TRIM22: variants seen among roughly 807,000 people sequenced by gnomAD.
TRIM22 encodes tripartite motif containing 22.
Under a neutral mutation model 53.6 loss-of-function variants are expected in TRIM22, and 45 were observed. The ratio of observed to expected loss-of-function variants is 0.84; its 90% CI spans 0.66 to 1.08. TRIM22 has a LOEUF of 1.08. Among genes scored for constraint, TRIM22 ranks in the 50% least tolerant of loss-of-function variants. The pLI, the probability that TRIM22 is intolerant of heterozygous loss-of-function variation, is 0.00. For synonymous variants in TRIM22, 225 were observed against 216.6 expected, an observed-to-expected ratio of 1.04 and a Z score of -0.34; for missense variants, 616 against 590.9, an observed-to-expected ratio of 1.04 and a Z score of -0.44.
At chr11:5,698,609 T>G in intron 4 of TRIM22, 64 bp downstream of exon 4, 32 of 1,335,260 alleles carry the variant, frequency 2.4e-5, no homozygotes, top group Non-Finnish European at 3.1e-5. Context: ...CCGATTTTCC[T>G]TCCCTTCCCA....
chr11:5,696,960 T>C, intron 2 of TRIM22: 1 of 496,364 alleles, frequency 2.0e-6, no homozygotes, highest in South Asian at 3.5e-5. Flanking sequence ...TGGTTAGATG[T>C]GGGAAGAGTG....
chr11:5,698,467 C>A lies in TRIM22; in HGVS notation c.672C>A (p.Val224=). 6.2e-7 allele frequency: 1 copy of A among 1,614,040 alleles called. No homozygotes were observed. The highest frequency in any genetic ancestry group is 1.1e-5 in the South Asian group (1 of 91,070). Residue 224 remains valine, a synonymous_variant, in exon 4 of 8, where the codon GTC becomes GTA. Coordinates refer to ENST00000379965, the MANE Select transcript of TRIM22 (RefSeq NM_006074.5). The part of the protein sequence containing the change: ...DNLAAATDQL[V]QQRQDASTLI... ...TGGCAGCAGCTACAGACCAGCTGGT[C>A]CAGCAGAGGCAGGATGCCAGCACGC... is the stretch of plus-strand genomic sequence containing the variant.
chr11:5,698,083 T>G, intron 3 of TRIM22: 1 of 469,220 alleles, frequency 2.1e-6, no homozygotes, highest in Non-Finnish European at 3.9e-6. Context: ...AGGCATCACA[T>G]TTTGTCTCAG....
At chr11:5,697,122 A>G in intron 2 of TRIM22, 126 bp from the exon 3 acceptor site, 1 of 674,544 alleles carries the variant, frequency 1.5e-6, no homozygotes, top group South Asian at 2.2e-5. Flanking sequence ...ATAGGTTCTA[A>G]TCACCAGCCT....
intron 1 of TRIM22, among the ~76,000 whole-genome samples, chr11:5,695,633 G>A (rs4910835): frequency 0.96 from 145,432 of 151,748 alleles, 69,851 homozygotes; most frequent in African/African-American, 0.99. Flanking sequence ...TAGTTCCACA[G>A]ATTTACTAGA....
chr11:5,696,107 G>T, intron 1 of TRIM22, 60 bp from the exon 2 acceptor site: 1 of 812,300 alleles, frequency 1.2e-6, no homozygotes, highest in Non-Finnish European at 1.9e-6. Context: ...CTAAATCTCT[G>T]TAAAAGCAGT....
intron 5 of TRIM22, 126 bp downstream of exon 5, chr11:5,706,742 C>A: frequency 1.0e-6 from 1 of 970,886 alleles, no homozygotes; most frequent in South Asian, 2.0e-5. Flanking sequence ...ATTAAATTGT[C>A]CCAAATTGCT....
chr11:5,709,983 T>G lies in TRIM22; in HGVS notation c.*335T>G, dbSNP rs1853533294. 4.0e-6 allele frequency: 1 copy of G among 247,518 alleles called. No homozygotes were observed. The highest frequency in any genetic ancestry group is 2.2e-5 in the African/African-American group (1 of 44,958). The allele number at this position is 247,518 out of a possible 1,614,324, so 15.3% of individuals were successfully genotyped here. ...TGTCCCTATGACTCTTCACATTGTCTTTATGTACATCTCTGTGCCCAAGTT... is the reference window on the plus strand; with the variant it reads ...TGTCCCTATGACTCTTCACATTGTCGTTATGTACATCTCTGTGCCCAAGTT... On this transcript the variant is annotated 3_prime_UTR_variant, in exon 8 of 8. Transcript: ENST00000379965.
intron 4 of TRIM22, among the ~76,000 whole-genome samples, chr11:5,704,915 T>C (rs964565228): frequency 6.6e-6 from 1 of 152,198 alleles, no homozygotes; most frequent in African/African-American, 2.4e-5. Context: ...GAATGTGCCA[T>C]TTTTTGCAAA....
In TRIM22 at chr11:5,697,295, G is replaced by A. The variant is rs1399749963; in HGVS notation, c.471G>A (p.Glu157=). The change falls in exon 3 of 8, where the codon GAG becomes GAA. Residue 157 remains glutamate (E), a synonymous_variant. Coordinates refer to ENST00000379965, the MANE Select transcript of TRIM22 (RefSeq NM_006074.5). Reference sequence around the variant, plus strand: ...AGAGGCTGATAAAGGAGGATCAAGAGGCTGAGAAGCTGGAAGATGACATCA... The same window carrying A: ...AGAGGCTGATAAAGGAGGATCAAGAAGCTGAGAAGCTGGAAGATGACATCA... ...ALQRLIKEDQ[E]AEKLEDDIRQ... is the part of the protein sequence containing the mutation. 6.2e-7 allele frequency: 1 copy of A among 1,613,690 alleles called. No homozygotes were observed. The highest frequency in any genetic ancestry group is 8.5e-7 in the Non-Finnish European group (1 of 1,179,862).
At chr11:5,697,626 T>C in intron 3 of TRIM22, 1 of 339,292 alleles carries the variant, frequency 2.9e-6, no homozygotes, top group Non-Finnish European at 5.4e-6. Flanking sequence ...GGTTTGAGGC[T>C]CCAATCCTTC....
intron 5 of TRIM22, 25 bp downstream of exon 5, chr11:5,706,641 C>A (rs1157087404): frequency 6.3e-7 from 1 of 1,593,316 alleles, no homozygotes; most frequent in Non-Finnish European, 8.6e-7. Context: ...GAGATGTGGT[C>A]TTATTTGTCT....
rs1334659269 is a variant in TRIM22 at position 5,708,617 on chromosome 11, G to A, written c.901+14G>A. Reference sequence around the variant, plus strand: ...AGTACTACTGGGGTAAGATGATATGGGGTTTTCAAATCACTTCCTTTCAGA... The same window carrying A: ...AGTACTACTGGGGTAAGATGATATGAGGTTTTCAAATCACTTCCTTTCAGA... On this transcript the variant is annotated intron_variant, in intron 7 of 7. Coordinates refer to ENST00000379965, the MANE Select transcript of TRIM22 (RefSeq NM_006074.5). The A allele has an allele frequency of 6.9e-6, 11 of 1,604,392 alleles. No individual in the cohort carries two copies. Among genetic ancestry groups the A allele is most frequent in the Non-Finnish European group, 9.3e-6 (11 of 1,176,678 alleles).
chr11:5,704,322 C>T (rs973221140), intron 4 of TRIM22, among the ~76,000 whole-genome samples: 7 of 152,004 alleles, frequency 4.6e-5, no homozygotes, highest in African/African-American at 9.7e-5. Context: ...AAACCACACA[C>T]GCTAGTCTTT....
chr11:5,709,511 G>A lies in TRIM22; in HGVS notation c.1360G>A (p.Val454Ile). Residue 454 changes from valine (V) to isoleucine (I), a missense_variant, in exon 8 of 8, where the codon GTC (valine) becomes ATC (isoleucine). Physicochemically the swap from Val to Ile is conservative, Grantham distance 29. Transcript: ENST00000379965. ...TTTCCTAGACTATGAGGCAGGCATT[G>A]TCTCATTTTTCAATGTCACAAACCA... is the stretch of plus-strand genomic sequence containing the variant. ...GVFLDYEAGI[V>I]SFFNVTNHGA... 1 of 1,614,106 alleles carries A rather than the reference G, an allele frequency of 6.2e-7. No homozygotes were observed. The highest frequency in any genetic ancestry group is 1.1e-5 in the South Asian group (1 of 91,074).
At chr11:5,705,649 A>G (rs572295243) in intron 4 of TRIM22, among the ~76,000 whole-genome samples, 1 of 152,322 alleles carries the variant, frequency 6.6e-6, no homozygotes, top group African/African-American at 2.4e-5. Context: ...GTTCAAAAAA[A>G]TAAAGGAAAT....
intron 4 of TRIM22, among the ~76,000 whole-genome samples, chr11:5,700,151 C>A (rs2134177632): frequency 1.3e-5 from 2 of 150,758 alleles, no homozygotes; most frequent in South Asian, 4.2e-4. Flanking sequence ...GAGACGGAGT[C>A]TCTTACTGTT....
At chr11:5,695,638 A>C (rs1429410771) in intron 1 of TRIM22, among the ~76,000 whole-genome samples, 1 of 151,834 alleles carries the variant, frequency 6.6e-6, no homozygotes, top group Non-Finnish European at 1.5e-5. Flanking sequence ...CCACAGATTT[A>C]CTAGAAATTA....
chr11:5,691,073 G>C (rs1036760140), intron 1 of TRIM22: 3 of 152,324 alleles, frequency 2.0e-5, no homozygotes, highest in African/African-American at 7.2e-5. Context: ...TTGGTCTCTT[G>C]TCTCTGAAGG....
Sources: gnomAD v4.1 joint callset for allele counts (sites outside exome capture counted in the v4.1 genomes callset) on GRCh38, gnomAD v4.1.1 for gene constraint, MANE v1.5 for transcripts, NCBI Gene and HGNC (gene_info 2026-07-23, HGNC 2026-07-21) for gene names.